Variants in DACT2 observed in about 807,000 individuals in gnomAD.
The protein encoded by DACT2 is dishevelled binding antagonist of beta catenin 2.
DACT2 carries 20 observed loss-of-function variants against 22.2 expected under a neutral mutation model. The observed-to-expected ratio is 0.90, with a 90% confidence interval of 0.63 to 1.31. The LOEUF (loss-of-function observed/expected upper bound fraction) is 1.31. Among genes scored for constraint, DACT2 ranks in the 50% most tolerant of loss-of-function variants. DACT2 has a pLI of 0.00. For synonymous variants in DACT2, 463 were observed against 479.8 expected (o/e 0.96, Z 0.46); for missense variants, 1,048 against 1,061.4 (o/e 0.99, Z 0.18).
At chr6:168,305,424 C>T (rs1054832323), downstream of DACT2, among the ~76,000 whole-genome samples, 3 of 152,204 alleles carry the variant, frequency 2.0e-5, no homozygotes, top group African/African-American at 7.2e-5. Flanking sequence ...GGCTGATTCC[C>T]TGTGATCTTG....
At position 168,311,646 on chromosome 6, in the gene DACT2, TCACA is replaced by T. The variant is rs371171255; in HGVS notation, c.247-366_247-363del. Among the ~76,000 whole-genome samples, 401 of 110,238 alleles carry T rather than the reference TCACA, an allele frequency of 3.6e-3. 2 individuals are homozygous for T. Among genetic ancestry groups the T allele is most frequent in the African/African-American group, 0.013 (376 of 29,762 alleles). 72.3% of individuals were successfully genotyped at this position (110,238 alleles called of 152,430 possible). The stretch of plus-strand genomic sequence containing the variant: ...CACACACCCATCCACACACACACAC[TCACA>T]CACACACCCATACACACATATACAC... On this transcript the variant is annotated intron_variant, in intron 1 of 3. Coordinates refer to ENST00000366795, the MANE Select transcript of DACT2 (RefSeq NM_214462.5).
intron 3 of DACT2, among the ~76,000 whole-genome samples, chr6:168,297,776 A>G (rs1779032249): frequency 6.6e-6 from 1 of 152,250 alleles, no homozygotes. Flanking sequence ...GCGTTGCTTG[A>G]AACGGCAACG....
rs577884185 is a variant in DACT2 at position 168,296,817 on chromosome 6, C to A, written c.659-2113G>T. ...GATCCCTAAATATGATGACATTGAC[C>A]CAAAACCCTGCACTCAGCCAAAACA... On this transcript the variant is annotated intron_variant, in intron 3 of 5. Transcript: ENST00000366796. 4.6e-5 allele frequency among the ~76,000 whole-genome samples: 7 copies of A among 152,210 alleles called. No individual in the cohort carries two copies. In the South Asian group the frequency reaches 1.5e-3, roughly 32 times the overall value.
At chr6:168,294,602 T>TATATATATATACATATATATATATAC (rs768380927) in intron 4 of DACT2, 1 of 811,922 alleles carries the variant, frequency 1.2e-6, no homozygotes, top group African/African-American at 2.6e-5. Flanking sequence ...TATATATATA[T>TATATATATATACATATATATATATAC]ACACATATAA....
intron 2 of DACT2, 100 bp downstream of exon 2, chr6:168,311,052 G>C (rs1779385109): frequency 7.2e-7 from 1 of 1,380,040 alleles, no homozygotes; most frequent in East Asian, 2.6e-5. Flanking sequence ...AGGATACCTG[G>C]AATGGAATTT....
Position 168,319,550 on chromosome 6 carries a change from C to G in DACT2, c.84G>C (p.Gly28=). The G allele has an allele frequency of 1.5e-6, 2 of 1,377,570 alleles. No individual in the cohort carries two copies. Among genetic ancestry groups the G allele is most frequent in the Non-Finnish European group, 1.9e-6 (2 of 1,057,454 alleles). 85.3% of individuals were successfully genotyped at this position (1,377,570 alleles called of 1,614,324 possible). The change falls in exon 1 of 4, where the codon GGG becomes GGC. Residue 28 remains glycine, a synonymous_variant. Transcript: ENST00000366795. ...LGARLRAAFA[G]LQELQGLRAT... ...CTCGCAGCCCCTGCAGCTCCTGCAGCCCCGCGAACGCCGCGCGCAACCTCG... is the reference window on the plus strand; with the variant it reads ...CTCGCAGCCCCTGCAGCTCCTGCAGGCCCGCGAACGCCGCGCGCAACCTCG...
Position 168,319,492 on chromosome 6 carries a change from C to A in DACT2, c.142G>T (p.Ala48Ser). 3 of 1,260,452 alleles carry A rather than the reference C, an allele frequency of 2.4e-6. No individual in the cohort carries two copies. The highest frequency in any genetic ancestry group is 5.3e-5 in the South Asian group (2 of 37,854). 78.1% of individuals were successfully genotyped at this position (1,260,452 alleles called of 1,614,324 possible). The change falls in exon 1 of 4, where the codon GCC (alanine) becomes TCC (serine). Residue 48 changes from alanine to serine, a missense_variant. Coordinates refer to ENST00000366795, the MANE Select transcript of DACT2 (RefSeq NM_214462.5). Reference sequence around the variant, plus strand: ...GCGGGCGCGGGCGGGGGCTGCAGGGCCAGGGCGCCCCGTACCCGCTCCTGC... The same window carrying A: ...GCGGGCGCGGGCGGGGGCTGCAGGGACAGGGCGCCCCGTACCCGCTCCTGC... ...TQQERVRGAL[A>S]LQPPPAPAAP... is the part of the protein sequence containing the mutation.
Position 168,308,241 on chromosome 6 carries a change from T to C in DACT2, c.1516A>G (p.Lys506Glu), listed in dbSNP as rs1779280664. The stretch of plus-strand genomic sequence containing the variant: ...GGCTGCCTTGCAAACCTCAGCACCT[T>C]GTCCATGGGACTTCTCTTGATTTTT... ...AEKIKRSPMD[K>E]VLRFARQPLL... Residue 506 changes from lysine (K) to glutamate (E), a missense_variant, in exon 4 of 4, where the codon AAG becomes GAG. Transcript: ENST00000366795. The C allele has an allele frequency of 6.4e-7, 1 of 1,552,138 alleles. No homozygotes were observed. The highest frequency in any genetic ancestry group is 8.7e-7 in the Non-Finnish European group (1 of 1,147,084).
At position 168,307,904 on chromosome 6, in the gene DACT2, C is replaced by A. The variant is rs796883484; in HGVS notation, c.1853G>T (p.Arg618Leu). Residue 618 changes from arginine (R) to leucine (L), a missense_variant, in exon 4 of 4, where the codon CGG (arginine) becomes CTG (leucine). By Grantham distance (102) the Arg-to-Leu change is moderately radical. Coordinates refer to ENST00000366795, the MANE Select transcript of DACT2 (RefSeq NM_214462.5). The surrounding 1 kb of genome is among the most constrained non-coding windows in gnomAD (Gnocchi z 5.3). Reference sequence around the variant, plus strand: ...CTCAGGACAGCTGGCCAGGCGGGCCCGGGCCGAGATCTCCACGGTGGACTG... The same window carrying A: ...CTCAGGACAGCTGGCCAGGCGGGCCAGGGCCGAGATCTCCACGGTGGACTG... ...RWQSTVEISA[R>L]ARLASCPESN... is the part of the protein sequence containing the mutation. The A allele has an allele frequency of 2.2e-6, 3 of 1,376,096 alleles. No individual in the cohort carries two copies. In the African/African-American group the frequency reaches 5.8e-5, roughly 27 times the overall value. The allele number at this position is 1,376,096 out of a possible 1,614,324, so 85.2% of individuals were successfully genotyped here. A position where few individuals can be genotyped will look rare whatever the true frequency, so the allele number is the denominator to read the frequency against.
intron 1 of DACT2, among the ~76,000 whole-genome samples, chr6:168,312,944 G>C (rs570218929): frequency 2.0e-5 from 3 of 152,160 alleles, no homozygotes; most frequent in African/African-American, 4.8e-5. Context: ...GGCCAGGCTC[G>C]ACCCAGCACA....
chr6:168,296,268 A>G (rs1779007080), intron 3 of DACT2, among the ~76,000 whole-genome samples: 1 of 150,630 alleles, frequency 6.6e-6, no homozygotes, highest in Non-Finnish European at 1.5e-5. Flanking sequence ...TGGTGAGAAG[A>G]TGCTCATGGA....
downstream of DACT2, among the ~76,000 whole-genome samples, chr6:168,304,965 T>G (rs1268301665): frequency 6.6e-6 from 1 of 151,968 alleles, no homozygotes; most frequent in African/African-American, 2.4e-5. Flanking sequence ...TACTGGAGAG[T>G]AGAAGAGCAC....
chr6:168,313,128 G>A (rs1348588649), intron 1 of DACT2, among the ~76,000 whole-genome samples: 1 of 152,162 alleles, frequency 6.6e-6, no homozygotes, highest in Admixed American at 6.5e-5. Flanking sequence ...CTCACTGCAA[G>A]CTCCACCTCC....
intron 3 of DACT2, among the ~76,000 whole-genome samples, chr6:168,295,360 ACT>A (rs1173176315): frequency 6.6e-6 from 1 of 152,072 alleles, no homozygotes; most frequent in Non-Finnish European, 1.5e-5. Context: ...TCAAACAGAC[ACT>A]CTGCCTGGTT....
rs1779268633 is a variant in DACT2 at position 168,308,055 on chromosome 6, G to A, written c.1702C>T (p.Pro568Ser). 1.9e-6 allele frequency: 3 copies of A among 1,547,982 alleles called. No individual in the cohort carries two copies. Among genetic ancestry groups the A allele is most frequent in the Non-Finnish European group, 2.6e-6 (3 of 1,144,892 alleles). Reference sequence around the variant, plus strand: ...GCCAAGGGGACGAGGACAGGCATGGGGTAGAGGGTGGACTCAGAACAGGAG... The same window carrying A: ...GCCAAGGGGACGAGGACAGGCATGGAGTAGAGGGTGGACTCAGAACAGGAG... Reference protein sequence around the residue: ...GRSCSESTLYPMPVLVPLAVA... With the variant: ...GRSCSESTLYSMPVLVPLAVA... The change falls in exon 4 of 4, where the codon CCC (proline) becomes TCC (serine). Residue 568 changes from proline to serine, a missense_variant. By Grantham distance (74) the Pro-to-Ser change is moderately conservative (BLOSUM62 -1). Coordinates refer to ENST00000366795, the MANE Select transcript of DACT2 (RefSeq NM_214462.5).
chr6:168,319,662 C>A lies in DACT2; in HGVS notation c.-29G>T, dbSNP rs373047888. On this transcript the variant is annotated 5_prime_UTR_variant, in exon 1 of 4. Transcript: ENST00000366795. ...CCGGGCAGGGTCCCGGCCTCCCGAACCCCACGAGCGGCGCCGGAGGCCCAG... is the reference window on the plus strand; with the variant it reads ...CCGGGCAGGGTCCCGGCCTCCCGAAACCCACGAGCGGCGCCGGAGGCCCAG... 3.6e-4 allele frequency: 438 copies of A among 1,214,314 alleles called. 7 individuals are homozygous for A. In the South Asian group the frequency reaches 0.013, roughly 36 times the overall value. 75.2% of individuals were successfully genotyped at this position (1,214,314 alleles called of 1,614,324 possible).
intron 1 of DACT2, among the ~76,000 whole-genome samples, chr6:168,311,597 T>TCACACACAAACACACACACCCATACACAC (rs1554271725): frequency 3.1e-4 from 31 of 100,556 alleles, no homozygotes; most frequent in African/African-American, 9.6e-4. Context: ...CACACACACA[T>TCACACACAAACACACACACCCATACACAC]ACACACACAC....
intron 3 of DACT2, among the ~76,000 whole-genome samples, chr6:168,309,846 C>G (rs1486548860): frequency 6.6e-6 from 1 of 152,236 alleles, no homozygotes; most frequent in Non-Finnish European, 1.5e-5. Context: ...TCTCTCCCCA[C>G]CAGCGCTTTC....
At chr6:168,296,068 T>G (rs1207093943) in intron 3 of DACT2, among the ~76,000 whole-genome samples, 3 of 116,016 alleles carry the variant, frequency 2.6e-5, no homozygotes, top group African/African-American at 4.2e-5. Flanking sequence ...GGTGAGGAGA[T>G]GGTCATGGAG....
Sources: allele counts gnomAD v4.1 joint callset (sites outside exome capture counted in the v4.1 genomes callset), GRCh38; gene constraint gnomAD v4.1.1; non-coding constraint Gnocchi (gnomAD v3.1); transcripts MANE v1.5; gene names NCBI Gene and HGNC (gene_info 2026-07-23, HGNC 2026-07-21).